Variants in RAD51B observed in about 807,000 individuals in gnomAD.
RAD51B encodes the protein DNA repair protein RAD51 homolog 2.
Under a neutral mutation model 42.2 loss-of-function variants are expected in RAD51B, and 38 were observed. The ratio of observed to expected loss-of-function variants is 0.90; its 90% confidence interval spans 0.70 to 1.18. The LOEUF is 1.18. RAD51B is among the 50% of genes most tolerant of loss of function. RAD51B has a pLI of 0.00. For missense variants in RAD51B, 373 were observed against 400.7 expected (o/e 0.93, Z 0.59); for synonymous variants, 154 against 145.2 (o/e 1.06, Z -0.43).
intron 7 of RAD51B, among the ~76,000 whole-genome samples, chr14:67,974,301 A>G (rs1286868725): frequency 2.0e-5 from 3 of 152,092 alleles, no homozygotes; most frequent in African/African-American, 7.2e-5. Flanking sequence ...GAAAACTCCT[A>G]TTACTTCAAA....
At chr14:67,843,206 G>C (rs1390261532) in intron 4 of RAD51B, among the ~76,000 whole-genome samples, 2 of 150,264 alleles carry the variant, frequency 1.3e-5, no homozygotes, top group African/African-American at 2.5e-5. Flanking sequence ...CAACATGCAG[G>C]TTTGTTACAT....
intron 7 of RAD51B, among the ~76,000 whole-genome samples, chr14:68,172,512 G>C (rs1233889302): frequency 6.6e-6 from 1 of 152,154 alleles, no homozygotes; most frequent in Non-Finnish European, 1.5e-5. Flanking sequence ...GTGAACTCTT[G>C]CCAAACTCCT....
intron 7 of RAD51B, among the ~76,000 whole-genome samples, chr14:67,907,094 C>T (rs528838902): frequency 1.1e-4 from 17 of 152,202 alleles, no homozygotes; most frequent in African/African-American, 3.9e-4. Flanking sequence ...CAGGTGTGAG[C>T]CACTGTGCCT....
chr14:68,510,633 T>G (rs1162955171), intron 10 of RAD51B, among the ~76,000 whole-genome samples: 1 of 152,232 alleles, frequency 6.6e-6, no homozygotes, highest in African/African-American at 2.4e-5. Context: ...AGCCATCAGC[T>G]GCCGTCCCGA....
At chr14:68,608,770 A>T (rs992828316) in intron 10 of RAD51B, among the ~76,000 whole-genome samples, 3 of 152,174 alleles carry the variant, frequency 2.0e-5, no homozygotes, top group Non-Finnish European at 2.9e-5. Context: ...TGGCTTCCCA[A>T]CAGGTGCTAT....
intron 11 of RAD51B, among the ~76,000 whole-genome samples, chr14:68,676,639 G>T (rs1893311672): frequency 2.0e-5 from 3 of 152,234 alleles, no homozygotes; most frequent in African/African-American, 7.2e-5. Context: ...TCAGGAAGGT[G>T]TACATGTCTA....
chr14:68,539,392 C>T (rs1269413688), intron 10 of RAD51B, among the ~76,000 whole-genome samples: 1 of 152,174 alleles, frequency 6.6e-6, no homozygotes, highest in Non-Finnish European at 1.5e-5. Flanking sequence ...GCCTCCTTGC[C>T]TCCAAGTCGC....
intron 10 of RAD51B, among the ~76,000 whole-genome samples, chr14:68,523,412 G>A (rs1594940358): frequency 1.3e-5 from 2 of 152,308 alleles, no homozygotes; most frequent in East Asian, 1.9e-4. Flanking sequence ...GATGTCTGGG[G>A]TGGCCTTTTG....
chr14:68,504,671 T>TTTTTTTTTTTTTTTTTTTG (rs1885174564), intron 10 of RAD51B, among the ~76,000 whole-genome samples: 1 of 106,032 alleles, frequency 9.4e-6, no homozygotes, highest in Non-Finnish European at 2.1e-5. Context: ...TCTTTTTTTT[T>TTTTTTTTTTTTTTTTTTTG]TTTTTTTTTT....
intron 7 of RAD51B, among the ~76,000 whole-genome samples, chr14:68,106,038 T>C (rs1406037275): frequency 1.3e-5 from 2 of 151,984 alleles, no homozygotes; most frequent in Non-Finnish European, 2.9e-5. Flanking sequence ...CCTCTTAATC[T>C]TTTTAGAAGA....
At chr14:67,918,486 C>T (rs910125688) in intron 7 of RAD51B, among the ~76,000 whole-genome samples, 1 of 152,176 alleles carries the variant, frequency 6.6e-6, no homozygotes, top group Admixed American at 6.5e-5. Flanking sequence ...TCATCTGCCT[C>T]GGCCTCCCAA....
At chr14:68,132,961 C>T (rs2077927183) in intron 7 of RAD51B, among the ~76,000 whole-genome samples, 1 of 152,180 alleles carries the variant, frequency 6.6e-6, no homozygotes. Flanking sequence ...TAGTTTGGTT[C>T]CAGTGCCTTC....
chr14:68,596,177 C>A (rs536818077), downstream of RAD51B, among the ~76,000 whole-genome samples: 19 of 152,310 alleles, frequency 1.2e-4, no homozygotes, highest in African/African-American at 4.6e-4. Flanking sequence ...TCCTAAACAA[C>A]ACCACCAGGG....
At chr14:68,122,656 A>C (rs937751975) in intron 7 of RAD51B, among the ~76,000 whole-genome samples, 1 of 152,220 alleles carries the variant, frequency 6.6e-6, no homozygotes, top group African/African-American at 2.4e-5. Context: ...AAATGCATGT[A>C]TCCTTTGACT....
At chr14:68,375,073 T>A (rs2139965013) in intron 8 of RAD51B, among the ~76,000 whole-genome samples, 1 of 152,070 alleles carries the variant, frequency 6.6e-6, no homozygotes, top group South Asian at 2.1e-4. Flanking sequence ...TCATGGTTTG[T>A]AAAGGTTAGT....
intron 7 of RAD51B, among the ~76,000 whole-genome samples, chr14:68,248,733 G>C (rs1385105334): frequency 6.6e-6 from 1 of 152,210 alleles, no homozygotes; most frequent in African/African-American, 2.4e-5. Context: ...ACTGGCTGCA[G>C]TGATTCTAAA....
At chr14:68,091,836 A>T (rs1193545068) in intron 7 of RAD51B, among the ~76,000 whole-genome samples, 1 of 152,140 alleles carries the variant, frequency 6.6e-6, no homozygotes, top group East Asian at 1.9e-4. Flanking sequence ...TTTTAGGTCT[A>T]ACATGTAAGT....
At chr14:68,248,330 T>C (rs1217828739) in intron 7 of RAD51B, among the ~76,000 whole-genome samples, 1 of 152,120 alleles carries the variant, frequency 6.6e-6, no homozygotes, top group African/African-American at 2.4e-5. Flanking sequence ...GTTTTTGAGG[T>C]TATGTTCTTT....
At chr14:67,840,781 C>G (rs1039497907) in intron 4 of RAD51B, among the ~76,000 whole-genome samples, 1 of 151,516 alleles carries the variant, frequency 6.6e-6, no homozygotes, top group South Asian at 2.1e-4. Flanking sequence ...TCTCTGCACC[C>G]TTTCCAGCAT....
Sources: allele counts gnomAD v4.1 joint callset (sites outside exome capture counted in the v4.1 genomes callset), GRCh38; gene constraint gnomAD v4.1.1; transcripts MANE v1.5; gene names NCBI Gene and HGNC (gene_info 2026-07-23, HGNC 2026-07-21).